MDN1: variants seen among roughly 807,000 people sequenced by gnomAD.
MDN1 encodes the protein midasin.
In MDN1, 266 loss-of-function variants were observed where a neutral mutation model predicts 669.2. That is an observed-to-expected ratio of 0.40 (90% CI 0.36 to 0.44). The LOEUF (loss-of-function observed/expected upper bound fraction) is 0.44, where lower values mean the gene tolerates loss of function less well. MDN1 is among the 20% of genes least tolerant of loss of function. The pLI, the probability that MDN1 is intolerant of heterozygous loss-of-function variation, is 1.00. For missense variants in MDN1, 5,940 were observed against 6,754.0 expected (o/e 0.88, Z 4.22); for synonymous variants, 2,385 against 2,457.1 (o/e 0.97, Z 0.87).
rs1223973267 is a variant in MDN1, at chr6:89,684,900, A to C, written c.11805T>G (p.Arg3935=). 1.9e-6 allele frequency: 3 copies of C among 1,610,074 alleles called. No individual in the cohort carries two copies. Among genetic ancestry groups the C allele is most frequent in the Non-Finnish European group, 2.6e-6 (3 of 1,176,408 alleles). Residue 3935 remains arginine, a synonymous_variant, in exon 71 of 102, where the codon CGT becomes CGG. Coordinates refer to ENST00000369393, the MANE Select transcript of MDN1 (RefSeq NM_014611.3). The part of the protein sequence containing the change: ...DRVQAKIVEL[R]SPLEKELKEF... ...CTTTAAGTTCTTTTTCTAGGGGGGA[A>C]CGAAGTTCCACAATTTTGGCCTGGA...
chr6:89,660,940 T>C (rs1809706651), intron 88 of MDN1, among the ~76,000 whole-genome samples: 1 of 152,100 alleles, frequency 6.6e-6, no homozygotes, highest in Admixed American at 6.6e-5. Context: ...GGTTGAAAAA[T>C]GGACAACAAA....
In MDN1 at chr6:89,700,747, T is replaced by C; in HGVS notation, c.8537A>G (p.Asn2846Ser). 6.2e-7 allele frequency: 1 copy of C among 1,614,142 alleles called. No homozygotes were observed. Among genetic ancestry groups the C allele is most frequent in the Non-Finnish European group, 8.5e-7 (1 of 1,180,026 alleles). ...CTGAGAAGCAACCACTTGGAGACGGTTAATGTCTTCCTGCCATCCACTCTC... is the reference window on the plus strand; with the variant it reads ...CTGAGAAGCAACCACTTGGAGACGGCTAATGTCTTCCTGCCATCCACTCTC... ...LGESGWQEDI[N>S]RLQVVASQWT... The change falls in exon 56 of 102, where the codon AAC (asparagine) becomes AGC (serine). Residue 2846 changes from asparagine to serine, a missense_variant. By Grantham distance (46) the Asn-to-Ser change is conservative. Coordinates refer to ENST00000369393, the MANE Select transcript of MDN1 (RefSeq NM_014611.3).
chr6:89,647,948 G>A (rs1304267400), intron 99 of MDN1, 84 bp downstream of exon 99: 4 of 1,044,294 alleles, frequency 3.8e-6, no homozygotes, highest in East Asian at 4.9e-5. Context: ...ACAAGGTCCT[G>A]TCTCAAAAAT....
In MDN1 at chr6:89,656,911, C is replaced by G. The variant is rs1012199146; in HGVS notation, c.15184-110G>C. ...CTCACTGCTGTCCTTTATTCTCAGT[C>G]ATATAATCACTCCTGCCTACCTGCC... is the stretch of plus-strand genomic sequence containing the variant. On this transcript the variant is annotated intron_variant, in intron 90 of 101. Coordinates refer to ENST00000369393, the MANE Select transcript of MDN1 (RefSeq NM_014611.3). The G allele has an allele frequency of 1.3e-5, 12 of 902,222 alleles. No homozygotes were observed. In the African/African-American group the frequency reaches 2.0e-4, roughly 15 times the overall value. 55.9% of individuals were successfully genotyped at this position (902,222 alleles called of 1,614,324 possible).
At chr6:89,817,175 TA>T (rs966471841) in intron 1 of MDN1, among the ~76,000 whole-genome samples, 6 of 152,194 alleles carry the variant, frequency 3.9e-5, no homozygotes, top group Non-Finnish European at 7.3e-5. Context: ...TAGGTCTCCC[TA>T]AAATGTATAA....
At chr6:89,721,836 T>A (rs1814844526) in intron 40 of MDN1, among the ~76,000 whole-genome samples, 1 of 152,164 alleles carries the variant, frequency 6.6e-6, no homozygotes, top group Non-Finnish European at 1.5e-5. Flanking sequence ...ACAGAATGGG[T>A]AGCAGAATGA....
chr6:89,758,400 T>C, intron 18 of MDN1, 49 bp from the exon 19 acceptor site: 11 of 1,474,304 alleles, frequency 7.5e-6, no homozygotes, highest in Non-Finnish European at 1.0e-5. Context: ...ATTATCTAAT[T>C]CCACAGAACC....
chr6:89,792,736 G>C (rs542195353), intron 5 of MDN1, among the ~76,000 whole-genome samples: 25 of 150,996 alleles, frequency 1.7e-4, no homozygotes, highest in Non-Finnish European at 3.5e-4. Context: ...AAATGACCCA[G>C]AACTTATTCC....
At chr6:89,717,658 AATG>A (rs1814481883) in intron 43 of MDN1, among the ~76,000 whole-genome samples, 1 of 152,212 alleles carries the variant, frequency 6.6e-6, no homozygotes. Flanking sequence ...TTCAAGTTCA[AATG>A]GCAGGCTTAA....
In MDN1 at chr6:89,776,593, C is replaced by T. The variant is rs1244399034; in HGVS notation, c.1821+7G>A. 3 of 1,598,680 alleles carry T rather than the reference C, an allele frequency of 1.9e-6. No individual in the cohort carries two copies. Among genetic ancestry groups the T allele is most frequent in the Admixed American group, 1.7e-5 (1 of 58,714 alleles). On this transcript the variant is annotated splice_region_variant and intron_variant, in intron 12 of 101. Coordinates refer to ENST00000369393, the MANE Select transcript of MDN1 (RefSeq NM_014611.3). ...TCAACAGGGAAGTAAAAAAACAGCA[C>T]ACATACCTTTTTTCTAGAAATGTTC...
chr6:89,668,280 C>T (rs900068467), intron 83 of MDN1, 129 bp from the exon 84 acceptor site: 8 of 1,159,830 alleles, frequency 6.9e-6, no homozygotes, highest in Middle Eastern at 2.3e-4. Context: ...ATCTTAAATC[C>T]GCTGGAAGTA....
rs568056777 is a variant in MDN1, at chr6:89,656,881, C to T, written c.15184-80G>A. 80 of 1,128,376 alleles carry T rather than the reference C, an allele frequency of 7.1e-5. 2 individuals carry two copies. In the South Asian group the frequency reaches 1.0e-3, roughly 14 times the overall value. 69.9% of individuals were successfully genotyped at this position (1,128,376 alleles called of 1,614,324 possible). On this transcript the variant is annotated intron_variant, in intron 90 of 101. Coordinates refer to ENST00000369393, the MANE Select transcript of MDN1 (RefSeq NM_014611.3). ...GGTTACTGTGCTGCATTGAATACAA[C>T]TTCTCTCACTGCTGTCCTTTATTCT...
chr6:89,672,576 G>C lies in MDN1; in HGVS notation c.13601C>G (p.Thr4534Ser), dbSNP rs79087127. The C allele has an allele frequency of 6.2e-4, 1,001 of 1,614,148 alleles. 10 individuals carry two copies. The East Asian group carries it at 0.018, about 29-fold the overall frequency. Residue 4534 changes from threonine to serine, a missense_variant, in exon 81 of 102, where the codon ACT becomes AGT. Thr to Ser is a moderately conservative substitution (Grantham distance 58, BLOSUM62 1). Transcript: ENST00000369393. ...ATCTTCTTGTGGGCTTGCTTGGTCA[G>C]TGTTCTCCTCTGCTTTTTCATTCTT... ...ERKNEKAEEN[T>S]DQASPQEDYA...
chr6:89,699,643 A>G lies in MDN1; in HGVS notation c.8955T>C (p.Pro2985=). 2 of 1,614,012 alleles carry G rather than the reference A, an allele frequency of 1.2e-6. No homozygotes were observed. The highest frequency in any genetic ancestry group is 2.2e-5 in the South Asian group (2 of 91,060). Residue 2985 remains proline, a synonymous_variant, in exon 58 of 102, where the codon CCT becomes CCC. Transcript: ENST00000369393. ...AGGACCACAGATCTCGAAGCTCTTG[A>G]GGTGTAACAGGTGTGTGATAAAGAC... is the stretch of plus-strand genomic sequence containing the variant. ...SFCLYHTPVT[P]QELRDLWSLL... is the part of the protein sequence containing the mutation.
At position 89,692,882 on chromosome 6, in the gene MDN1, C is replaced by A. The variant is rs763038013; in HGVS notation, c.10148G>T (p.Arg3383Leu). 1.2e-6 allele frequency: 2 copies of A among 1,614,206 alleles called. No individual in the cohort carries two copies. Reference protein sequence around the residue: ...ASWQQSHHQFRKRLSEEYTFY... With the variant: ...ASWQQSHHQFLKRLSEEYTFY... ...GGTGTACTCCTCTGACAGCCGCTTC[C>A]GGAACTGGTGGTGTGACTGCTGCCA... Residue 3383 changes from arginine to leucine, a missense_variant, in exon 63 of 102, where the codon CGG becomes CTG. Arg to Leu is a moderately radical substitution (Grantham distance 102). Around this residue, in one of 5 missense-constraint regions of MDN1, gnomAD observed 150 missense variants for 234.2 expected, o/e 0.64. Transcript: ENST00000369393.
At chr6:89,682,737 C>G (rs1471178835) in intron 73 of MDN1, among the ~76,000 whole-genome samples, 1 of 87,962 alleles carries the variant, frequency 1.1e-5, no homozygotes, top group African/African-American at 4.0e-5. Flanking sequence ...ACTAAAAGTT[C>G]AAGACCAGCC....
intron 80 of MDN1, 43 bp downstream of exon 80, chr6:89,673,193 T>C: frequency 6.6e-7 from 1 of 1,504,742 alleles, no homozygotes; most frequent in South Asian, 1.1e-5. Context: ...AGACATCATT[T>C]CTACACTGGA....
At chr6:89,697,861 C>T (rs574309155) in intron 59 of MDN1, among the ~76,000 whole-genome samples, 27 of 152,008 alleles carry the variant, frequency 1.8e-4, no homozygotes, top group African/African-American at 6.0e-4. Context: ...GGATTACAGG[C>T]GTGAGCTACA....
chr6:89,710,628 CA>C (rs1384289225), intron 50 of MDN1, 52 bp downstream of exon 50: 3 of 1,061,044 alleles, frequency 2.8e-6, no homozygotes, highest in Non-Finnish European at 4.0e-6. Context: ...CCCATAAAGT[CA>C]AAAGATAAGT....
Sources: allele counts gnomAD v4.1 joint callset (sites outside exome capture counted in the v4.1 genomes callset), GRCh38; gene constraint gnomAD v4.1.1; regional missense constraint gnomAD v4.1.1; transcripts MANE v1.5; gene names NCBI Gene and HGNC (gene_info 2026-07-23, HGNC 2026-07-21).